SETD2: variants seen among roughly 807,000 people sequenced by gnomAD.
SETD2 encodes the protein SET domain containing 2, histone lysine methyltransferase.
A neutral mutation model predicts 242.1 loss-of-function variants in SETD2; 31 were observed. The ratio of observed to expected loss-of-function variants is 0.13; its 90% CI spans 0.10 to 0.17. SETD2 has a LOEUF of 0.17. SETD2 is among the 10% of genes least tolerant of loss of function. The pLI is 1.00. For missense variants in SETD2, 2,481 were observed against 3,046.3 expected, an observed-to-expected ratio of 0.81 and a Z score of 4.37; for synonymous variants, 1,006 against 1,066.5, an observed-to-expected ratio of 0.94 and a Z score of 1.11.
At chr3:47,149,316 A>G (rs1034131710) in intron 1 of SETD2, among the ~76,000 whole-genome samples, 1 of 152,108 alleles carries the variant, frequency 6.6e-6, no homozygotes, top group Non-Finnish European at 1.5e-5. Flanking sequence ...TTCCCTTTAT[A>G]AAATTAGAGG....
At chr3:47,037,288 C>A (rs59087671) in intron 18 of SETD2, among the ~76,000 whole-genome samples, 2 of 117,510 alleles carry the variant, frequency 1.7e-5, no homozygotes, top group Admixed American at 8.5e-5. Context: ...CCCTCCCCCC[C>A]ACCCCACAAC....
chr3:47,125,352 AAC>A (rs980485960), intron 2 of SETD2, among the ~76,000 whole-genome samples: 5 of 151,814 alleles, frequency 3.3e-5, no homozygotes, highest in African/African-American at 1.2e-4. Flanking sequence ...TAAAAAAAAA[AAC>A]ATACTCATCT....
rs560030784 is a variant in SETD2, at chr3:47,162,641, G to A, written c.71+1213C>T. ...AAGATGTGGCAAGGGATTCAAAAAC[G>A]AGCCAGAGCAAACCTAAGGTAAAAT... On this transcript the variant is annotated intron_variant, in intron 1 of 20. Transcript: ENST00000409792. Among the ~76,000 whole-genome samples the A allele has an allele frequency of 9.9e-5, 15 of 152,260 alleles. No individual in the cohort carries two copies. In the East Asian group the frequency reaches 1.9e-3, roughly 20 times the overall value.
Position 47,163,956 on chromosome 3 carries a change from C to T in SETD2, c.-32G>A. On this transcript the variant is annotated 5_prime_UTR_variant, in exon 1 of 21. Coordinates refer to ENST00000409792, the MANE Select transcript of SETD2 (RefSeq NM_014159.7). ...CGGCTGGAGACGGCGACGCGAGCCC[C>T]CTCCCCGCAGCAGGGCGACGCGGGG... The T allele has an allele frequency of 7.9e-7, 1 of 1,273,664 alleles. No homozygotes were observed. The highest frequency in any genetic ancestry group is 1.0e-6 in the Non-Finnish European group (1 of 1,003,362). The allele number at this position is 1,273,664 out of a possible 1,614,324, so 78.9% of individuals were successfully genotyped here. A position where few individuals can be genotyped will look rare whatever the true frequency, so the allele number is the denominator to read the frequency against.
rs1167181294 is a variant in SETD2, at chr3:47,056,012, C to CA, written c.6963+808dup. On this transcript the variant is annotated intron_variant, in intron 15 of 20. Transcript: ENST00000409792. Reference sequence around the variant, plus strand: ...TGGGGGACAGAGCGAGACTCCGTCTCAAAAAAAAAAAAAAAAAAAAAAAAA... The same window carrying CA: ...TGGGGGACAGAGCGAGACTCCGTCTCAAAAAAAAAAAAAAAAAAAAAAAAAA... 1.5e-3 allele frequency among the ~76,000 whole-genome samples: 60 copies of CA among 39,556 alleles called. 14 individuals are homozygous for CA. Among genetic ancestry groups the CA allele is most frequent in the South Asian group, 3.2e-3 (2 of 630 alleles). 26.0% of individuals were successfully genotyped at this position (39,556 alleles called of 152,430 possible).
Position 47,017,560 on chromosome 3 carries a change from T to G in SETD2, c.7533+78A>C. Reference sequence around the variant, plus strand: ...ACAAGAAAAAAAAAAATACTTTCTATGATGAAAAGGGCTTCTTAGAAGGTA... The same window carrying G: ...ACAAGAAAAAAAAAAATACTTTCTAGGATGAAAAGGGCTTCTTAGAAGGTA... On this transcript the variant is annotated intron_variant, in intron 20 of 20. Transcript: ENST00000409792. The surrounding 1 kb of genome is among the most constrained non-coding windows in gnomAD (Gnocchi z 4.8). 9.3e-7 allele frequency: 1 copy of G among 1,075,134 alleles called. No individual in the cohort carries two copies. 66.6% of individuals were successfully genotyped at this position (1,075,134 alleles called of 1,614,324 possible).
intron 15 of SETD2, among the ~76,000 whole-genome samples, chr3:47,055,444 G>A (rs971211606): frequency 4.6e-5 from 7 of 152,114 alleles, no homozygotes; most frequent in South Asian, 2.1e-4. Flanking sequence ...AGTGGCTCAC[G>A]TCTGTAATCT....
chr3:47,082,117 A>C (rs768757557), intron 12 of SETD2, among the ~76,000 whole-genome samples: 1 of 152,208 alleles, frequency 6.6e-6, no homozygotes, highest in Non-Finnish European at 1.5e-5. Context: ...AATTGGGTTA[A>C]GTATATCCTA....
chr3:47,031,712 G>C (rs1404723401), intron 18 of SETD2, among the ~76,000 whole-genome samples: 1 of 152,100 alleles, frequency 6.6e-6, no homozygotes, highest in Admixed American at 6.5e-5. Flanking sequence ...AAATGTGTAG[G>C]TACAAAGAGT....
intron 15 of SETD2, among the ~76,000 whole-genome samples, chr3:47,052,366 T>A (rs996642855): frequency 2.6e-5 from 4 of 152,112 alleles, no homozygotes; most frequent in African/African-American, 9.7e-5. Flanking sequence ...AGAAACAGGG[T>A]CTCACTATGT....
intron 16 of SETD2, 98 bp downstream of exon 16, chr3:47,046,389 C>G (rs2039532252): frequency 9.6e-7 from 1 of 1,038,458 alleles, no homozygotes; most frequent in Non-Finnish European, 1.3e-6. Flanking sequence ...GAAAAAAAAA[C>G]CCAAAAATAA....
At position 47,113,828 on chromosome 3, in the gene SETD2, G is replaced by A. The variant is rs367953511; in HGVS notation, c.4715+48C>T. ...CACTCCAGTCTGGGTGAAAGAGTGA[G>A]ACCTTGTCTCAAAAAAGGAAGTGAA... On this transcript the variant is annotated intron_variant, in intron 5 of 20. Coordinates refer to ENST00000409792, the MANE Select transcript of SETD2 (RefSeq NM_014159.7). 7 of 1,588,736 alleles carry A rather than the reference G, an allele frequency of 4.4e-6. No individual in the cohort carries two copies. In the Admixed American group the frequency reaches 5.4e-5, roughly 12 times the overall value.
intron 18 of SETD2, among the ~76,000 whole-genome samples, chr3:47,031,261 G>A (rs2038755043): frequency 6.6e-6 from 1 of 152,184 alleles, no homozygotes; most frequent in Admixed American, 6.5e-5. Flanking sequence ...ACTTTGGGTG[G>A]TAATAATGTG....
intron 5 of SETD2, among the ~76,000 whole-genome samples, chr3:47,107,484 T>C (rs972312087): frequency 6.6e-6 from 1 of 152,268 alleles, no homozygotes; most frequent in Non-Finnish European, 1.5e-5. Flanking sequence ...TATATAGTAG[T>C]CCATCACAAA....
chr3:47,022,243 C>T (rs766248851), intron 18 of SETD2, among the ~76,000 whole-genome samples: 1 of 128,610 alleles, frequency 7.8e-6, no homozygotes, highest in African/African-American at 2.9e-5. Flanking sequence ...AAATTTAGCA[C>T]GTGGGGTTCA....
In SETD2 at chr3:47,106,807, G is replaced by A. The variant is rs568470365; in HGVS notation, c.4716-687C>T. On this transcript the variant is annotated intron_variant, in intron 5 of 20. Coordinates refer to ENST00000409792, the MANE Select transcript of SETD2 (RefSeq NM_014159.7). ...AGCCTGGGCAAGAGAGTGAGACTCC[G>A]TCTCAAAAAAAAAAAAAAAGGAAAA... 1.8e-3 allele frequency among the ~76,000 whole-genome samples: 206 copies of A among 112,504 alleles called. 1 individual carries two copies. Among genetic ancestry groups the A allele is most frequent in the East Asian group, 8.2e-4 (3 of 3,654 alleles). The allele number at this position is 112,504 out of a possible 152,430, so 73.8% of individuals were successfully genotyped here. A position where few individuals can be genotyped will look rare whatever the true frequency, so the allele number is the denominator to read the frequency against.
Position 47,098,800 on chromosome 3 carries a change from A to T in SETD2, c.5016-719T>A, listed in dbSNP as rs150167566. ...GACAGAGTAAGACTCTGTCTCAAAA[A>T]AATAATAATAATAATAATTGAGTAT... On this transcript the variant is annotated intron_variant, in intron 8 of 20. Transcript: ENST00000409792. Among the ~76,000 whole-genome samples the T allele has an allele frequency of 5.5e-3, 837 of 152,174 alleles. 9 individuals carry two copies. Among genetic ancestry groups the T allele is most frequent in the African/African-American group, 0.019 (794 of 41,506 alleles).
At chr3:47,127,993 TCACACA>T (rs34240660) in intron 1 of SETD2, among the ~76,000 whole-genome samples, 1 of 150,458 alleles carries the variant, frequency 6.6e-6, no homozygotes, top group Non-Finnish European at 1.5e-5. Context: ...TCTCTCTCTC[TCACACA>T]CACACACACA....
At chr3:47,065,407 T>C (rs955858718) in intron 13 of SETD2, among the ~76,000 whole-genome samples, 12 of 152,220 alleles carry the variant, frequency 7.9e-5, no homozygotes, top group African/African-American at 2.9e-4. Flanking sequence ...TTCATTCTAC[T>C]TTTAGTGGGT....
Sources: allele counts gnomAD v4.1 joint callset (sites outside exome capture counted in the v4.1 genomes callset), GRCh38; gene constraint gnomAD v4.1.1; non-coding constraint Gnocchi (gnomAD v3.1); transcripts MANE v1.5; gene names NCBI Gene and HGNC (gene_info 2026-07-23, HGNC 2026-07-21).